The following FIGN variants were observed in gnomAD, a reference collection of about 807,000 sequenced individuals.
FIGN encodes the protein fidgetin, microtubule severing factor.
FIGN carries 11 observed loss-of-function variants against 51.3 expected under a neutral mutation model. That is an observed-to-expected ratio of 0.21 (90% CI 0.13 to 0.35). The LOEUF (loss-of-function observed/expected upper bound fraction) is 0.35, where lower values mean the gene tolerates loss of function less well. Among genes scored for constraint, FIGN ranks in the 10% least tolerant of loss-of-function variants. The pLI is 1.00. For synonymous variants in FIGN, 407 were observed against 363.2 expected, an observed-to-expected ratio of 1.12 and a Z score of -1.37; for missense variants, 857 against 943.6, an observed-to-expected ratio of 0.91 and a Z score of 1.20.
At chr2:163,633,039 C>T (rs1167850941) in intron 2 of FIGN, among the ~76,000 whole-genome samples, 1 of 152,014 alleles carries the variant, frequency 6.6e-6, no homozygotes, top group African/African-American at 2.4e-5. Flanking sequence ...TTAAAATTCG[C>T]CAGGTGTGGT....
chr2:163,689,173 A>AACACACACACACACAC (rs58519537), intron 2 of FIGN, among the ~76,000 whole-genome samples: 21,800 of 144,546 alleles, frequency 0.15, 1,756 homozygotes, highest in Middle Eastern at 0.22. Flanking sequence ...AACAAAAATG[A>AACACACACACACACAC]ACACACACAC....
chr2:163,611,214 A>G lies in FIGN; in HGVS notation c.618T>C (p.Leu206=), dbSNP rs544843902. ...STYSSQPAPA[L]PSPHPSPLHS... is the part of the protein sequence containing the mutation. ...GCAAAGGAGACGGATGAGGTGAAGG[A>G]AGTGCAGGTGCTGGCTGGCTACTAT... Residue 206 remains leucine (L), a synonymous_variant, in exon 3 of 3, where the codon CTT becomes CTC. Transcript: ENST00000333129. 2 of 1,614,112 alleles carry G rather than the reference A, an allele frequency of 1.2e-6. No individual in the cohort carries two copies. The highest frequency in any genetic ancestry group is 2.7e-5 in the African/African-American group (2 of 75,052).
At position 163,603,890 on chromosome 2, in the gene FIGN, A is replaced by C. The variant is rs1324556605; in HGVS notation, c.*5662T>G. The C allele has an allele frequency of 2.0e-5, 3 of 152,130 alleles. No individual in the cohort carries two copies. The highest frequency in any genetic ancestry group is 6.6e-5 in the Admixed American group (1 of 15,248). The allele number at this position is 152,130 out of a possible 1,614,324, so 9.4% of individuals were successfully genotyped here. A position where few individuals can be genotyped will look rare whatever the true frequency, so the allele number is the denominator to read the frequency against. On this transcript the variant is annotated 3_prime_UTR_variant, in exon 3 of 3. Coordinates refer to ENST00000333129, the MANE Select transcript of FIGN (RefSeq NM_018086.4). ...TAAAATAAATAGTATAATATAAAAC[A>C]CTTCATACAAAGTAATTCAATGTGC...
chr2:163,636,932 A>G (rs1411136744), intron 2 of FIGN, among the ~76,000 whole-genome samples: 1 of 152,140 alleles, frequency 6.6e-6, no homozygotes, highest in Admixed American at 6.5e-5. Context: ...ACAAAAAATT[A>G]GCCAGGAGTG....
chr2:163,717,847 C>T (rs1684693405), intron 2 of FIGN, among the ~76,000 whole-genome samples: 1 of 152,114 alleles, frequency 6.6e-6, no homozygotes, highest in South Asian at 2.1e-4. Context: ...ATTTAAAAAT[C>T]AACGTTTCAA....
intron 2 of FIGN, among the ~76,000 whole-genome samples, chr2:163,670,287 A>C (rs577745772): frequency 2.6e-5 from 4 of 152,332 alleles, no homozygotes; most frequent in African/African-American, 9.6e-5. Context: ...TAATAGAGTG[A>C]GAGAGGTTTT....
intron 2 of FIGN, among the ~76,000 whole-genome samples, chr2:163,684,939 ATTTTTT>A (rs548647272): frequency 0.13 from 15,682 of 119,426 alleles, 909 homozygotes; most frequent in Middle Eastern, 0.22. Flanking sequence ...ATGCCTGGCT[ATTTTTT>A]TTTTTTTTTT....
chr2:163,685,852 T>C (rs1255010571), intron 2 of FIGN, among the ~76,000 whole-genome samples: 1 of 152,206 alleles, frequency 6.6e-6, no homozygotes, highest in Non-Finnish European at 1.5e-5. Flanking sequence ...TTCTCAGCAA[T>C]GGGTTTCTAG....
intron 2 of FIGN, among the ~76,000 whole-genome samples, chr2:163,660,794 TATA>T (rs1683649576): frequency 2.1e-5 from 2 of 97,068 alleles, no homozygotes; most frequent in Non-Finnish European, 4.0e-5. Context: ...TATATATGTA[TATA>T]GATATACATA....
At chr2:163,630,382 A>C (rs1336261648) in intron 2 of FIGN, among the ~76,000 whole-genome samples, 1 of 152,044 alleles carries the variant, frequency 6.6e-6, no homozygotes, top group Non-Finnish European at 1.5e-5. Context: ...GTCAGTTAGC[A>C]CTTCTGTCTT....
At chr2:163,675,691 T>G (rs942462083) in intron 2 of FIGN, among the ~76,000 whole-genome samples, 4 of 148,926 alleles carry the variant, frequency 2.7e-5, no homozygotes, top group Admixed American at 6.8e-5. Flanking sequence ...TGAATGTCTT[T>G]TCTTTTCTTT....
chr2:163,689,623 T>C (rs1310319116), intron 2 of FIGN, among the ~76,000 whole-genome samples: 1 of 152,182 alleles, frequency 6.6e-6, no homozygotes, highest in Admixed American at 6.5e-5. Flanking sequence ...CAATCTGAAT[T>C]ACACAGAGCC....
At chr2:163,704,923 T>C (rs537095817) in intron 2 of FIGN, among the ~76,000 whole-genome samples, 3 of 152,246 alleles carry the variant, frequency 2.0e-5, no homozygotes, top group Admixed American at 2.0e-4. Flanking sequence ...GCAACTAATG[T>C]ACCTCCAGTG....
chr2:163,655,554 AT>A (rs992318235), intron 2 of FIGN, among the ~76,000 whole-genome samples: 8 of 152,174 alleles, frequency 5.3e-5, no homozygotes, highest in Non-Finnish European at 7.3e-5. Context: ...CACTAATCAT[AT>A]CCTCTTCACT....
chr2:163,622,819 C>T (rs1682996129), intron 2 of FIGN, among the ~76,000 whole-genome samples: 1 of 152,252 alleles, frequency 6.6e-6, no homozygotes, highest in African/African-American at 2.4e-5. Flanking sequence ...CCCACCTAGG[C>T]CTCCCAAAGT....
At position 163,641,662 on chromosome 2, in the gene FIGN, C is replaced by T. The variant is rs764261836; in HGVS notation, c.26-29856G>A. Among the ~76,000 whole-genome samples the T allele has an allele frequency of 2.8e-4, 42 of 152,214 alleles. No individual in the cohort carries two copies. The East Asian group carries it at 3.1e-3, about 11-fold the overall frequency. The stretch of plus-strand genomic sequence containing the variant: ...TTCAGAGGCAAATGAGTTAGAAATC[C>T]GATGCGGAAGAAGAAAATGAGATTG... On this transcript the variant is annotated intron_variant, in intron 2 of 2. Transcript: ENST00000333129.
chr2:163,676,470 T>C (rs1573943367), intron 2 of FIGN, among the ~76,000 whole-genome samples: 1 of 104,964 alleles, frequency 9.5e-6, no homozygotes. Context: ...TATATATATA[T>C]ATATATATAT....
intron 2 of FIGN, among the ~76,000 whole-genome samples, chr2:163,652,361 AAC>A (rs60276598): frequency 2.9e-4 from 41 of 139,442 alleles, no homozygotes; most frequent in South Asian, 7.0e-4. Flanking sequence ...CACACACACA[AAC>A]ACACACACAC....
chr2:163,694,190 C>T (rs566545815), intron 2 of FIGN, among the ~76,000 whole-genome samples: 273 of 152,278 alleles, frequency 1.8e-3, no homozygotes, highest in Non-Finnish European at 2.2e-3. Flanking sequence ...TCACCAGAGA[C>T]AACAGCCATT....
Sources: gnomAD v4.1 joint callset for allele counts (sites outside exome capture counted in the v4.1 genomes callset) on GRCh38, gnomAD v4.1.1 for gene constraint, MANE v1.5 for transcripts, NCBI Gene and HGNC (gene_info 2026-07-23, HGNC 2026-07-21) for gene names.